TRPA1: variants seen among roughly 807,000 people sequenced by gnomAD.
TRPA1 encodes transient receptor potential cation channel subfamily A member 1.
TRPA1 carries 129 observed loss-of-function variants against 131.3 expected under a neutral mutation model. The ratio of observed to expected loss-of-function variants is 0.98; its 90% CI spans 0.85 to 1.14. The LOEUF (loss-of-function observed/expected upper bound fraction) is 1.14, where lower values mean the gene tolerates loss of function less well. TRPA1 is among the 50% of genes most tolerant of loss of function. The probability of loss-of-function intolerance (pLI) is 0.00; values close to 1 mark genes in which losing one functional copy is unlikely to be tolerated. For missense variants in TRPA1, 1,304 were observed against 1,354.2 expected, an observed-to-expected ratio of 0.96 and a Z score of 0.58; for synonymous variants, 441 against 451.7, an observed-to-expected ratio of 0.98 and a Z score of 0.30.
chr8:72,074,113 T>G (rs4738206), intron 1 of TRPA1, among the ~76,000 whole-genome samples: 56,011 of 151,796 alleles, frequency 0.37, 10,829 homozygotes, highest in East Asian at 0.55. Context: ...TACAGACATA[T>G]CCATAAAGGT....
chr8:72,074,349 G>A (rs1311959542), intron 1 of TRPA1, among the ~76,000 whole-genome samples: 1 of 152,174 alleles, frequency 6.6e-6, no homozygotes, highest in African/African-American at 2.4e-5. Context: ...AATACATTTT[G>A]TGAGTAAATC....
chr8:72,061,876 G>C, intron 6 of TRPA1, 115 bp from the exon 7 acceptor site: 1 of 1,110,072 alleles, frequency 9.0e-7, no homozygotes, highest in South Asian at 1.3e-5. Flanking sequence ...ATATCTATCA[G>C]GCTGATCACC....
At chr8:72,080,173 G>A (rs909853214), upstream of TRPA1, among the ~76,000 whole-genome samples, 18 of 151,728 alleles carry the variant, frequency 1.2e-4, no homozygotes, top group African/African-American at 3.9e-4. Context: ...GAAGCTCTAG[G>A]ACATTGTTGA....
In TRPA1 at chr8:72,023,799, A is replaced by T. The variant is rs764753956; in HGVS notation, c.3149+15T>A. ...TTTAAATTTCTCAAGTACAGATAGA[A>T]GGAAAAATACATACCGGTATTTCTG... On this transcript the variant is annotated intron_variant, in intron 26 of 26. Transcript: ENST00000262209. The T allele has an allele frequency of 2.8e-5, 40 of 1,410,794 alleles. No homozygotes were observed. The South Asian group carries it at 3.1e-4, about 11-fold the overall frequency. The allele number at this position is 1,410,794 out of a possible 1,614,324, so 87.4% of individuals were successfully genotyped here.
At chr8:72,035,307 C>T (rs931977747) in intron 21 of TRPA1, among the ~76,000 whole-genome samples, 1 of 152,168 alleles carries the variant, frequency 6.6e-6, no homozygotes, top group African/African-American at 2.4e-5. Context: ...AGTGCCTGAA[C>T]CTGTCTTAAA....
chr8:72,068,949 G>A (rs907424564), intron 3 of TRPA1, 74 bp downstream of exon 3: 7 of 1,509,348 alleles, frequency 4.6e-6, no homozygotes, highest in Admixed American at 3.3e-5. Flanking sequence ...CCTGGTGCAA[G>A]CAGAGAGAGC....
the TRPA1 span, among the ~76,000 whole-genome samples, chr8:72,088,767 G>C: frequency 6.6e-6 from 1 of 152,070 alleles, no homozygotes; most frequent in East Asian, 1.9e-4. Context: ...CTGGTAATCA[G>C]AGAAACTTAA....
At chr8:72,075,136 G>T (rs555342322) in intron 1 of TRPA1, among the ~76,000 whole-genome samples, 163 bp downstream of exon 1, 1 of 152,270 alleles carries the variant, frequency 6.6e-6, no homozygotes, top group East Asian at 1.9e-4. Flanking sequence ...AGCAGGCGCT[G>T]TGTGGGCGCG....
chr8:72,083,562 T>G, the TRPA1 span, among the ~76,000 whole-genome samples: 133,016 of 150,364 alleles, frequency 0.88, 59,017 homozygotes, highest in African/African-American at 0.94. Context: ...GTGAAACCCC[T>G]TCTCTACTAA....
In TRPA1 at chr8:72,062,609, G is replaced by T. The variant is rs141609509; in HGVS notation, c.807+190C>A. Among the ~76,000 whole-genome samples, 1,045 of 152,094 alleles carry T rather than the reference G, an allele frequency of 6.9e-3. 22 individuals are homozygous for T. Among genetic ancestry groups the T allele is most frequent in the African/African-American group, 0.024 (995 of 41,474 alleles). On this transcript the variant is annotated intron_variant, in intron 6 of 26. Transcript: ENST00000262209. ...ATATTTGTGTCTGCAATTGTTTTGGGGAGCTCTGAAAATTCTTTACATAGA... is the reference window on the plus strand; with the variant it reads ...ATATTTGTGTCTGCAATTGTTTTGGTGAGCTCTGAAAATTCTTTACATAGA...
rs1445381868 is a variant in TRPA1, at chr8:72,036,443, A to G, written c.2400T>C (p.Phe800=). ...GQIFQQKRNY[F]MDISNVLEWI... is the part of the protein sequence containing the mutation. Reference sequence around the variant, plus strand: ...ATTCAAGAACATTGCTTATATCCATAAAATAATTCCTTTTCTGGGATAGAA... The same window carrying G: ...ATTCAAGAACATTGCTTATATCCATGAAATAATTCCTTTTCTGGGATAGAA... The change falls in exon 21 of 27, where the codon TTT becomes TTC. Residue 800 remains phenylalanine, a synonymous_variant. Transcript: ENST00000262209. The G allele has an allele frequency of 6.2e-7, 1 of 1,613,834 alleles. No homozygotes were observed. Among genetic ancestry groups the G allele is most frequent in the Non-Finnish European group, 8.5e-7 (1 of 1,179,774 alleles).
In TRPA1 at chr8:72,023,920, TA is replaced by T. The variant is rs767075158; in HGVS notation, c.3052-10del. ...AAAAAACAGAATATATGCTGTCGGA[TA>T]AAAAATAGTAGTTACTCAAATTGAA... On this transcript the variant is annotated splice_polypyrimidine_tract_variant and intron_variant, in intron 25 of 26. Transcript: ENST00000262209. 145 of 1,525,612 alleles carry T rather than the reference TA, an allele frequency of 9.5e-5. No homozygotes were observed. Among genetic ancestry groups the T allele is most frequent in the Non-Finnish European group, 1.2e-4 (132 of 1,100,960 alleles). 94.5% of individuals were successfully genotyped at this position (1,525,612 alleles called of 1,614,324 possible).
intron 3 of TRPA1, among the ~76,000 whole-genome samples, chr8:72,066,983 A>G (rs1298259817): frequency 2.0e-5 from 3 of 152,226 alleles, no homozygotes; most frequent in African/African-American, 4.8e-5. Flanking sequence ...TAAAGCCCCA[A>G]GGACTAAGGT....
intron 12 of TRPA1, chr8:72,054,081 T>A (rs957881091): frequency 3.5e-5 from 20 of 567,958 alleles, no homozygotes; most frequent in Non-Finnish European, 5.6e-5. Flanking sequence ...ATACACGTTT[T>A]TTACTTAGTG....
chr8:72,057,288 G>T (rs560350494), intron 9 of TRPA1, among the ~76,000 whole-genome samples: 8 of 152,182 alleles, frequency 5.3e-5, no homozygotes, highest in African/African-American at 1.9e-4. Context: ...AGCATAAAAT[G>T]TAAGTATAGA....
At chr8:72,067,388 G>C (rs1289467720) in intron 3 of TRPA1, among the ~76,000 whole-genome samples, 1 of 152,092 alleles carries the variant, frequency 6.6e-6, no homozygotes, top group African/African-American at 2.4e-5. Flanking sequence ...CCAAATAAAG[G>C]AGAGTCAATT....
chr8:72,053,277 CT>C (rs34289154), intron 13 of TRPA1: 5,377 of 181,966 alleles, frequency 0.03, 51 homozygotes, highest in Non-Finnish European at 0.04. Context: ...CACTTAAAGA[CT>C]TTTTTTTTTT....
intron 17 of TRPA1, 43 bp downstream of exon 17, chr8:72,046,461 AAAAAAAAAG>A (rs1428743722): frequency 1.2e-4 from 137 of 1,159,452 alleles, no homozygotes; most frequent in African/African-American, 1.1e-3. Context: ...TATAATAAAA[AAAAAAAAAG>A]AAAAAAAAGA....
At chr8:72,043,849 C>A (rs1812340017) in intron 17 of TRPA1, among the ~76,000 whole-genome samples, 1 of 151,768 alleles carries the variant, frequency 6.6e-6, no homozygotes, top group Non-Finnish European at 1.5e-5. Context: ...TTTTAGTATT[C>A]ATAAAAATCT....
Sources: gnomAD v4.1 joint callset for allele counts (sites outside exome capture counted in the v4.1 genomes callset) on GRCh38, gnomAD v4.1.1 for gene constraint, MANE v1.5 for transcripts, NCBI Gene and HGNC (gene_info 2026-07-23, HGNC 2026-07-21) for gene names.